Variants in OR6N1 observed in about 807,000 individuals in gnomAD.
OR6N1 encodes the protein olfactory receptor 6N1.
For synonymous variants in OR6N1, 170 were observed against 150.7 expected, an observed-to-expected ratio of 1.13 and a Z score of -0.94; for missense variants, 394 against 371.7, an observed-to-expected ratio of 1.06 and a Z score of -0.49.
At chr1:158,779,101 A>G in the OR6N1 span, among the ~76,000 whole-genome samples, 1 of 151,762 alleles carries the variant, frequency 6.6e-6, no homozygotes, top group Non-Finnish European at 1.5e-5. Flanking sequence ...CATAAAATCA[A>G]TTATATAAAT....
At chr1:158,835,406 C>T in the OR6N1 span, among the ~76,000 whole-genome samples, 1 of 151,906 alleles carries the variant, frequency 6.6e-6, no homozygotes, top group Non-Finnish European at 1.5e-5. Context: ...CCTTTTTGTT[C>T]GTTGTTAGCG....
chr1:158,772,745 G>C (rs1451737179), upstream of OR6N1, among the ~76,000 whole-genome samples: 1 of 152,184 alleles, frequency 6.6e-6, no homozygotes, highest in East Asian at 1.9e-4. Context: ...TCAGAATCTT[G>C]GATACAATCC....
chr1:158,811,864 A>AT, the OR6N1 span, among the ~76,000 whole-genome samples: 11 of 152,312 alleles, frequency 7.2e-5, no homozygotes, highest in African/African-American at 2.6e-4. Context: ...AAAAGATGAT[A>AT]TTTTGTTTGG....
chr1:158,789,519 A>T, the OR6N1 span, among the ~76,000 whole-genome samples: 1 of 152,070 alleles, frequency 6.6e-6, no homozygotes, highest in Non-Finnish European at 1.5e-5. Context: ...CTTTTTTATA[A>T]AAGCTATTTT....
At chr1:158,820,596 G>T in the OR6N1 span, among the ~76,000 whole-genome samples, 1 of 152,170 alleles carries the variant, frequency 6.6e-6, no homozygotes, top group African/African-American at 2.4e-5. Flanking sequence ...AGAACACAAA[G>T]ACATGACTCC....
At chr1:158,777,859 A>C in the OR6N1 span, among the ~76,000 whole-genome samples, 1 of 152,186 alleles carries the variant, frequency 6.6e-6, no homozygotes. Context: ...TTCAATATTT[A>C]CTTAATTTTT....
chr1:158,807,199 A>G, the OR6N1 span, among the ~76,000 whole-genome samples: 7 of 152,244 alleles, frequency 4.6e-5, no homozygotes, highest in African/African-American at 1.7e-4. Context: ...AATAATCTTT[A>G]TAATTTTATT....
the OR6N1 span, among the ~76,000 whole-genome samples, chr1:158,790,400 A>ATTTT: frequency 5.9e-4 from 76 of 129,448 alleles, 1 homozygote; most frequent in East Asian, 1.3e-3. Context: ...TTGATAGGGA[A>ATTTT]TTTTTTTTTT....
the OR6N1 span, among the ~76,000 whole-genome samples, chr1:158,828,974 T>A: frequency 6.6e-6 from 1 of 152,230 alleles, no homozygotes; most frequent in African/African-American, 2.4e-5. Flanking sequence ...TGGTGCAAGC[T>A]CTACAGTAGC....
Position 158,765,032 on chromosome 1 carries a change from CA to C in OR6N1, c.*711del, listed in dbSNP as rs1391876830. On this transcript the variant is annotated 3_prime_UTR_variant, in exon 2 of 2. Coordinates refer to ENST00000641846, the MANE Select transcript of OR6N1 (RefSeq NM_001005185.2). Reference sequence around the variant, plus strand: ...TTTTACTAGATATTGTTCTAAGACCCAGAGTAATGATGTGAAGTCTTCGCAG... The same window carrying C: ...TTTTACTAGATATTGTTCTAAGACCCGAGTAATGATGTGAAGTCTTCGCAG... 1 of 151,918 alleles carries C rather than the reference CA, an allele frequency of 6.6e-6. No individual in the cohort carries two copies. The highest frequency in any genetic ancestry group is 1.9e-4 in the East Asian group (1 of 5,192). The allele number at this position is 151,918 out of a possible 1,614,324, so 9.4% of individuals were successfully genotyped here.
the OR6N1 span, among the ~76,000 whole-genome samples, chr1:158,786,856 A>T: frequency 6.6e-6 from 1 of 152,180 alleles, no homozygotes; most frequent in Admixed American, 6.5e-5. Flanking sequence ...AAAGGTGAGG[A>T]GGATGAGAAA....
At chr1:158,836,042 G>T in the OR6N1 span, among the ~76,000 whole-genome samples, 1 of 151,786 alleles carries the variant, frequency 6.6e-6, no homozygotes, top group Non-Finnish European at 1.5e-5. Context: ...ATTGATTGTT[G>T]CATGGTGAGC....
At chr1:158,787,019 T>C in the OR6N1 span, among the ~76,000 whole-genome samples, 1 of 152,072 alleles carries the variant, frequency 6.6e-6, no homozygotes, top group African/African-American at 2.4e-5. Flanking sequence ...TGAACTGTAA[T>C]GAGTTTGGAT....
chr1:158,773,274 G>T (rs1170267993), upstream of OR6N1, among the ~76,000 whole-genome samples: 2 of 151,270 alleles, frequency 1.3e-5, no homozygotes, highest in Non-Finnish European at 2.9e-5. Flanking sequence ...GTATTATTTT[G>T]TTTTTTGACT....
At chr1:158,776,525 T>C (rs945846983), upstream of OR6N1, 22 of 490,758 alleles carry the variant, frequency 4.5e-5, no homozygotes, top group African/African-American at 4.0e-4. Flanking sequence ...GAGTAAAAAA[T>C]AGAAATAAAG....
chr1:158,768,778 A>G (rs1657341999), intron 1 of OR6N1, among the ~76,000 whole-genome samples: 1 of 152,200 alleles, frequency 6.6e-6, no homozygotes. Context: ...GCCACCCTAT[A>G]TAACTGCAGT....
At position 158,765,342 on chromosome 1, in the gene OR6N1, T is replaced by C. The variant is rs1179710808; in HGVS notation, c.*402A>G. 6.3e-6 allele frequency: 1 copy of C among 158,716 alleles called. No homozygotes were observed. The highest frequency in any genetic ancestry group is 2.4e-5 in the African/African-American group (1 of 41,572). 9.8% of individuals were successfully genotyped at this position (158,716 alleles called of 1,614,324 possible). On this transcript the variant is annotated 3_prime_UTR_variant, in exon 2 of 2. Transcript: ENST00000641846. ...CTTCTCCACATGAAATGATTGCAAG[T>C]GGTACAAAAAACATCATGAATCACA...
At chr1:158,828,673 G>T in the OR6N1 span, among the ~76,000 whole-genome samples, 1 of 152,120 alleles carries the variant, frequency 6.6e-6, no homozygotes. Context: ...GTACCATTGT[G>T]GGGTCTGGAG....
At chr1:158,816,045 C>A in the OR6N1 span, among the ~76,000 whole-genome samples, 1 of 151,864 alleles carries the variant, frequency 6.6e-6, no homozygotes, top group Non-Finnish European at 1.5e-5. Context: ...AAAGTCCCAG[C>A]TACTCAGGAG....
Sources: allele counts gnomAD v4.1 joint callset (sites outside exome capture counted in the v4.1 genomes callset), GRCh38; gene constraint gnomAD v4.1.1; transcripts MANE v1.5; gene names NCBI Gene and HGNC (gene_info 2026-07-23, HGNC 2026-07-21).